Variants in POLN observed in about 807,000 individuals in gnomAD.
POLN encodes DNA polymerase nu, also known as DNA polymerase N.
In POLN, 108 loss-of-function variants were observed where a neutral mutation model predicts 113.5. The observed-to-expected ratio is 0.95, with a 90% CI of 0.81 to 1.12. The LOEUF is 1.12. Among genes scored for constraint, POLN ranks in the 50% most tolerant of loss-of-function variants. The pLI is 0.00. For synonymous variants in POLN, 386 were observed against 391.5 expected (o/e 0.99, Z 0.17); for missense variants, 1,097 against 1,077.1 (o/e 1.02, Z -0.26).
At chr4:2,084,527 C>T (rs1730504412) in intron 21 of POLN, among the ~76,000 whole-genome samples, 1 of 152,178 alleles carries the variant, frequency 6.6e-6, no homozygotes, top group African/African-American at 2.4e-5. Context: ...TGGAGGCTCC[C>T]CTTCCGGGCT....
chr4:2,109,730 T>C (rs1009634376), intron 19 of POLN, among the ~76,000 whole-genome samples: 1 of 152,208 alleles, frequency 6.6e-6, no homozygotes, highest in African/African-American at 2.4e-5. Flanking sequence ...GGCATGTTTT[T>C]CCTTATCCTT....
intron 16 of POLN, among the ~76,000 whole-genome samples, chr4:2,148,144 C>A (rs929656841): frequency 2.0e-5 from 3 of 152,132 alleles, no homozygotes; most frequent in African/African-American, 7.2e-5. Flanking sequence ...TCTAGGAGGA[C>A]ACAGACTGAG....
chr4:2,105,469 T>C (rs1206690658), intron 19 of POLN, among the ~76,000 whole-genome samples: 1 of 151,576 alleles, frequency 6.6e-6, no homozygotes, highest in Non-Finnish European at 1.5e-5. Context: ...CCCACTAAAA[T>C]AAAGCAAAGG....
chr4:2,204,109 C>CAAAAAAAAAAAAAAAAAAA (rs566255148), intron 5 of POLN, among the ~76,000 whole-genome samples: 8 of 53,228 alleles, frequency 1.5e-4, no homozygotes, highest in South Asian at 8.7e-4. Flanking sequence ...AACTCTATCA[C>CAAAAAAAAAAAAAAAAAAA]AAAAAAAAAA....
At chr4:2,179,270 G>T (rs199647736) in intron 8 of POLN, 38 bp downstream of exon 8, 3 of 1,561,624 alleles carry the variant, frequency 1.9e-6, no homozygotes, top group Admixed American at 3.6e-5. Flanking sequence ...AAAATAGGAT[G>T]TATTAAGGTT....
intron 13 of POLN, 96 bp from the exon 14 acceptor site, chr4:2,159,307 T>C (rs1732519561): frequency 3.0e-6 from 3 of 1,015,240 alleles, no homozygotes; most frequent in African/African-American, 3.3e-5. Flanking sequence ...ATAAATGGTC[T>C]AATTGAGCAT....
rs748481493 is a variant in POLN at position 2,240,453 on chromosome 4, T to G, written c.-13+1067A>C. 35 of 1,613,786 alleles carry G rather than the reference T, an allele frequency of 2.2e-5. No homozygotes were observed. Among genetic ancestry groups the G allele is most frequent in the Admixed American group, 1.7e-4 (10 of 59,962 alleles). On this transcript the variant is annotated intron_variant, in intron 2 of 25. Transcript: ENST00000511885. ...AACTTCATCAGTAAGAGCCTGAAGT[T>G]CATTACTGATCTTAGTGATCATTGC...
intron 20 of POLN, chr4:2,090,516 T>C: frequency 3.9e-6 from 2 of 509,304 alleles, no homozygotes; most frequent in Admixed American, 3.2e-5. Flanking sequence ...CAGCTGTTGA[T>C]AGCAAAATAC....
chr4:2,122,400 G>A (rs1731464411), intron 19 of POLN, among the ~76,000 whole-genome samples: 1 of 152,156 alleles, frequency 6.6e-6, no homozygotes, highest in Non-Finnish European at 1.5e-5. Context: ...GAGAAAGGGA[G>A]GCAAGTAAAA....
chr4:2,226,096 G>C lies in POLN; in HGVS notation c.133+3003C>G, dbSNP rs947341092. 5.9e-5 allele frequency among the ~76,000 whole-genome samples: 9 copies of C among 152,310 alleles called. 3 individuals are homozygous for C. The highest frequency in any genetic ancestry group is 6.5e-5 in the Admixed American group (1 of 15,302). The stretch of plus-strand genomic sequence containing the variant: ...CACTCAGGGGCCCAGGATCCTTCTA[G>C]CATGTTGTTCCACAATCCTCTAGGA... On this transcript the variant is annotated intron_variant, in intron 3 of 25. Transcript: ENST00000511885.
chr4:2,161,996 CACCAATCAGCGCCCTGTCAAAACAG>C, intron 13 of POLN, among the ~76,000 whole-genome samples: 1 of 152,244 alleles, frequency 6.6e-6, no homozygotes, highest in East Asian at 1.9e-4. Flanking sequence ...ATTGTAAATG[CACCAATCAGCGCCCTGTCAAAACAG>C]ACCACTCAGC....
intron 19 of POLN, among the ~76,000 whole-genome samples, chr4:2,121,080 A>C (rs1384091809): frequency 6.6e-6 from 1 of 152,142 alleles, no homozygotes; most frequent in Non-Finnish European, 1.5e-5. Context: ...CTAGAACTTC[A>C]ATATGCAATA....
At chr4:2,105,284 C>T (rs1329997490) in intron 19 of POLN, among the ~76,000 whole-genome samples, 1 of 152,102 alleles carries the variant, frequency 6.6e-6, no homozygotes, top group Non-Finnish European at 1.5e-5. Context: ...TCATCTCTAC[C>T]GATTTTTCCC....
At chr4:2,105,815 GAT>G (rs1731051877) in intron 19 of POLN, among the ~76,000 whole-genome samples, 1 of 146,194 alleles carries the variant, frequency 6.8e-6, no homozygotes, top group Non-Finnish European at 1.5e-5. Context: ...TGATGATGAT[GAT>G]GATGATGATG....
chr4:2,158,360 T>C (rs1732492304), intron 14 of POLN, among the ~76,000 whole-genome samples: 1 of 152,174 alleles, frequency 6.6e-6, no homozygotes, highest in Admixed American at 6.5e-5. Context: ...CCTTAGGTGG[T>C]ACCAGGATTA....
intron 16 of POLN, among the ~76,000 whole-genome samples, chr4:2,143,105 CT>C (rs1732045086): frequency 6.6e-6 from 1 of 151,602 alleles, no homozygotes; most frequent in African/African-American, 2.4e-5. Flanking sequence ...ATTTATAGCA[CT>C]AAAAATGCAT....
intron 13 of POLN, among the ~76,000 whole-genome samples, chr4:2,169,015 G>C (rs1255789948): frequency 1.3e-5 from 2 of 152,190 alleles, no homozygotes; most frequent in East Asian, 3.9e-4. Context: ...CTGTAGTCTG[G>C]GTGACCAGAG....
rs949978818 is a variant in POLN, at chr4:2,093,837, T to A, written c.2065+2014A>T. On this transcript the variant is annotated intron_variant, in intron 20 of 25. Transcript: ENST00000511885. The surrounding 1 kb of genome is among the most constrained non-coding windows in gnomAD (Gnocchi z 4.1). ...TATTTTCCAAAAACCATGTATACAA[T>A]CAAAATGTTTTCAAAAGTGGAGCTG... Among the ~76,000 whole-genome samples, 10 of 152,152 alleles carry A rather than the reference T, an allele frequency of 6.6e-5. No individual in the cohort carries two copies. Among genetic ancestry groups the A allele is most frequent in the Non-Finnish European group, 1.5e-4 (10 of 68,020 alleles).
chr4:2,146,087 A>C (rs1050482631), intron 16 of POLN, among the ~76,000 whole-genome samples: 1 of 151,934 alleles, frequency 6.6e-6, no homozygotes, highest in African/African-American at 2.4e-5. Flanking sequence ...ATATATATTT[A>C]AGAAAATATA....
Sources: allele counts gnomAD v4.1 joint callset (sites outside exome capture counted in the v4.1 genomes callset), GRCh38; gene constraint gnomAD v4.1.1; non-coding constraint Gnocchi (gnomAD v3.1); transcripts MANE v1.5; gene names NCBI Gene and HGNC (gene_info 2026-07-23, HGNC 2026-07-21).